Variants in IVD observed in about 807,000 individuals in gnomAD.
IVD encodes isovaleryl-CoA dehydrogenase.
In IVD, 31 loss-of-function variants were observed where a neutral mutation model predicts 51.3. The observed-to-expected ratio is 0.60, with a 90% confidence interval of 0.45 to 0.81. The LOEUF is 0.81. IVD is among the 40% of genes least tolerant of loss of function. The pLI, the probability that IVD is intolerant of heterozygous loss-of-function variation, is 0.00. For missense variants in IVD, 475 were observed against 552.0 expected, an observed-to-expected ratio of 0.86 and a Z score of 1.40; for synonymous variants, 205 against 219.4, an observed-to-expected ratio of 0.93 and a Z score of 0.58.
Position 40,418,584 on chromosome 15 carries a change from C to A in IVD, c.*321C>A. Reference sequence around the variant, plus strand: ...CTGAGCCCACCTCCCAGGGTAGGCACCTGGGGGCATGCAGGTGCCCACCTC... The same window carrying A: ...CTGAGCCCACCTCCCAGGGTAGGCAACTGGGGGCATGCAGGTGCCCACCTC... On this transcript the variant is annotated 3_prime_UTR_variant, in exon 12 of 12. Transcript: ENST00000487418. The A allele has an allele frequency of 1.1e-6, 1 of 922,578 alleles. No individual in the cohort carries two copies. Among genetic ancestry groups the A allele is most frequent in the South Asian group, 2.0e-5 (1 of 49,714 alleles). The allele number at this position is 922,578 out of a possible 1,614,324, so 57.1% of individuals were successfully genotyped here.
In IVD at chr15:40,421,196, G is replaced by A. The variant is rs970425910; in HGVS notation, c.*2933G>A. 17 of 985,338 alleles carry A rather than the reference G, an allele frequency of 1.7e-5. No homozygotes were observed. Among genetic ancestry groups the A allele is most frequent in the African/African-American group, 1.0e-4 (6 of 57,244 alleles). The allele number at this position is 985,338 out of a possible 1,614,324, so 61.0% of individuals were successfully genotyped here. ...TGGAGACAATGTGGCAAAATGGGGCGCTTCATCCAGTCTGTCTAAGCCCTG... is the reference window on the plus strand; with the variant it reads ...TGGAGACAATGTGGCAAAATGGGGCACTTCATCCAGTCTGTCTAAGCCCTG... On this transcript the variant is annotated 3_prime_UTR_variant, in exon 12 of 12. Coordinates refer to ENST00000487418, the MANE Select transcript of IVD (RefSeq NM_002225.5).
At chr15:40,406,255 A>C in intron 1 of IVD, 1 of 1,472,512 alleles carries the variant, frequency 6.8e-7, no homozygotes, top group Non-Finnish European at 9.0e-7. Flanking sequence ...TGAGAGACTG[A>C]TGGTGTTTTG....
chr15:40,417,155 G>T (rs1306387613), intron 11 of IVD, among the ~76,000 whole-genome samples: 1 of 146,604 alleles, frequency 6.8e-6, no homozygotes. Context: ...AGTGACCGGA[G>T]ATCGCGCCAT....
Position 40,420,240 on chromosome 15 carries a change from C to T in IVD, c.*1977C>T, listed in dbSNP as rs1314295508. The T allele has an allele frequency of 1.0e-6, 1 of 987,198 alleles. No homozygotes were observed. The highest frequency in any genetic ancestry group is 6.1e-5 in the Admixed American group (1 of 16,284). 61.2% of individuals were successfully genotyped at this position (987,198 alleles called of 1,614,324 possible). On this transcript the variant is annotated 3_prime_UTR_variant, in exon 12 of 12. Transcript: ENST00000487418. ...CACCTCTGAGCCCTTGTGCACCGCC[C>T]TGCCACGGGCACCATCCAGTCCTGG...
At chr15:40,428,865 A>G (rs1892817141), downstream of IVD, among the ~76,000 whole-genome samples, 1 of 152,172 alleles carries the variant, frequency 6.6e-6, no homozygotes, top group African/African-American at 2.4e-5. Flanking sequence ...AGAGAAATGC[A>G]GGGTCCTCAG....
intron 3 of IVD, among the ~76,000 whole-genome samples, 190 bp from the exon 4 acceptor site, chr15:40,410,438 C>G (rs1890940647): frequency 6.6e-6 from 1 of 152,228 alleles, no homozygotes; most frequent in Admixed American, 6.5e-5. Flanking sequence ...CTGAGGAGCA[C>G]CAGCAGGCAA....
chr15:40,416,730 C>G (rs1891728460), intron 11 of IVD, among the ~76,000 whole-genome samples: 3 of 152,156 alleles, frequency 2.0e-5, no homozygotes, highest in Admixed American at 2.0e-4. Context: ...CTTCTCCACT[C>G]CTCACTATGT....
Position 40,421,038 on chromosome 15 carries a change from C to T in IVD, c.*2775C>T. Reference sequence around the variant, plus strand: ...GCTCCTCACCAACCCCAGTTCCGTCCCATCCTGAGGGCAAGATCCTGGGCT... The same window carrying T: ...GCTCCTCACCAACCCCAGTTCCGTCTCATCCTGAGGGCAAGATCCTGGGCT... On this transcript the variant is annotated 3_prime_UTR_variant, in exon 12 of 12. Coordinates refer to ENST00000487418, the MANE Select transcript of IVD (RefSeq NM_002225.5). 2 of 985,426 alleles carry T rather than the reference C, an allele frequency of 2.0e-6. No homozygotes were observed. The highest frequency in any genetic ancestry group is 4.7e-5 in the South Asian group (1 of 21,234). 61.0% of individuals were successfully genotyped at this position (985,426 alleles called of 1,614,324 possible). A position where few individuals can be genotyped will look rare whatever the true frequency, so the allele number is the denominator to read the frequency against.
rs1892239656 is a variant in IVD, at chr15:40,420,899, A to G, written c.*2636A>G. 1.0e-6 allele frequency: 1 copy of G among 985,470 alleles called. No individual in the cohort carries two copies. Among genetic ancestry groups the G allele is most frequent in the African/African-American group, 1.7e-5 (1 of 57,232 alleles). 61.0% of individuals were successfully genotyped at this position (985,470 alleles called of 1,614,324 possible). A position where few individuals can be genotyped will look rare whatever the true frequency, so the allele number is the denominator to read the frequency against. On this transcript the variant is annotated 3_prime_UTR_variant, in exon 12 of 12. Transcript: ENST00000487418. ...GTTGTTCCACCCCTTCCGAGTTCCA[A>G]AAAGAGGGAACTGGTTTTCTTGGTT...
Position 40,413,046 on chromosome 15 carries a change from C to T in IVD, c.743C>T (p.Ser248Phe), listed in dbSNP as rs1354117581. 1 of 1,614,114 alleles carries T rather than the reference C, an allele frequency of 6.2e-7. No homozygotes were observed. The highest frequency in any genetic ancestry group is 1.1e-5 in the South Asian group (1 of 91,084). ...CTGGACAAGCTGGGGATGAGGGGCT[C>T]TAACACCTGTGAGCTAATCTTTGAA... Reference protein sequence around the residue: ...KKLDKLGMRGSNTCELIFEDC... With the variant: ...KKLDKLGMRGFNTCELIFEDC... Residue 248 changes from serine (S) to phenylalanine (F), a missense_variant, in exon 7 of 12, where the codon TCT becomes TTT. Ser to Phe is a radical substitution (Grantham distance 155, BLOSUM62 -2). Coordinates refer to ENST00000487418, the MANE Select transcript of IVD (RefSeq NM_002225.5).
At chr15:40,406,604 A>AG (rs112373695) in intron 1 of IVD, among the ~76,000 whole-genome samples, 19,791 of 152,182 alleles carry the variant, frequency 0.13, 1,371 homozygotes, top group African/African-American at 0.14. Context: ...GATCAGCCTA[A>AG]GCAACATAGC....
chr15:40,418,467 T>G lies in IVD; in HGVS notation c.*204T>G, dbSNP rs886051127. 7 of 1,427,384 alleles carry G rather than the reference T, an allele frequency of 4.9e-6. No individual in the cohort carries two copies. Among genetic ancestry groups the G allele is most frequent in the Non-Finnish European group, 6.4e-6 (7 of 1,091,114 alleles). The allele number at this position is 1,427,384 out of a possible 1,614,324, so 88.4% of individuals were successfully genotyped here. On this transcript the variant is annotated 3_prime_UTR_variant, in exon 12 of 12. Coordinates refer to ENST00000487418, the MANE Select transcript of IVD (RefSeq NM_002225.5). The stretch of plus-strand genomic sequence containing the variant: ...AGCCGGGCCTGTGCCACGGCTAGTG[T>G]TGTGTGATTTAAAATGGACTCAGCA...
intron 7 of IVD, among the ~76,000 whole-genome samples, chr15:40,430,431 C>T (rs924241914): frequency 2.0e-5 from 3 of 152,168 alleles, no homozygotes; most frequent in African/African-American, 4.8e-5. Context: ...CTGGCTGGGG[C>T]GGCAACAATA....
chr15:40,432,906 C>G (rs1893060689), intron 7 of IVD, among the ~76,000 whole-genome samples: 1 of 152,190 alleles, frequency 6.6e-6, no homozygotes, highest in Non-Finnish European at 1.5e-5. Context: ...ACAAGGAGTA[C>G]AAAACAGAGG....
At chr15:40,434,812 T>G (rs1437736423) in intron 8 of IVD, among the ~76,000 whole-genome samples, 2 of 152,180 alleles carry the variant, frequency 1.3e-5, no homozygotes, top group East Asian at 3.9e-4. Context: ...CTTCCCGGTG[T>G]CATGGGAAGA....
chr15:40,408,782 C>T (rs962260876), intron 3 of IVD, among the ~76,000 whole-genome samples: 12 of 152,122 alleles, frequency 7.9e-5, no homozygotes, highest in Non-Finnish European at 1.5e-4. Flanking sequence ...GAAACTCTGT[C>T]TCTACTAAAA....
rs1892175066 is a variant in IVD at position 40,420,257 on chromosome 15, C to T, written c.*1994C>T. Reference sequence around the variant, plus strand: ...GCACCGCCCTGCCACGGGCACCATCCAGTCCTGGCCGTGTGACCACCCACA... The same window carrying T: ...GCACCGCCCTGCCACGGGCACCATCTAGTCCTGGCCGTGTGACCACCCACA... On this transcript the variant is annotated 3_prime_UTR_variant, in exon 12 of 12. Coordinates refer to ENST00000487418, the MANE Select transcript of IVD (RefSeq NM_002225.5). 1 of 987,622 alleles carries T rather than the reference C, an allele frequency of 1.0e-6. No homozygotes were observed. Among genetic ancestry groups the T allele is most frequent in the Non-Finnish European group, 1.2e-6 (1 of 830,196 alleles). 61.2% of individuals were successfully genotyped at this position (987,622 alleles called of 1,614,324 possible).
intron 1 of IVD, chr15:40,406,361 C>A: frequency 7.6e-7 from 1 of 1,319,580 alleles, no homozygotes; most frequent in South Asian, 1.2e-5. Context: ...GTATGCTTCT[C>A]ACACCTGGGT....
At chr15:40,411,419 C>T (rs1460820134) in intron 5 of IVD, 66 bp downstream of exon 5, 16 of 1,593,664 alleles carry the variant, frequency 1.0e-5, no homozygotes, top group Non-Finnish European at 1.4e-5. Flanking sequence ...GATAATGGAG[C>T]AACAATTGTG....
Sources: allele counts gnomAD v4.1 joint callset (sites outside exome capture counted in the v4.1 genomes callset), GRCh38; gene constraint gnomAD v4.1.1; transcripts MANE v1.5; gene names NCBI Gene and HGNC (gene_info 2026-07-23, HGNC 2026-07-21).